The following PCDHA7 variants were observed in gnomAD, a reference collection of about 807,000 sequenced individuals.
PCDHA7 encodes protocadherin alpha 7.
PCDHA7 carries 37 observed loss-of-function variants against 57.2 expected under a neutral mutation model. The ratio of observed to expected loss-of-function variants is 0.65; its 90% CI spans 0.50 to 0.85. PCDHA7 has a LOEUF of 0.85. PCDHA7 is among the 40% of genes least tolerant of loss of function. The probability of loss-of-function intolerance (pLI) is 0.00; values close to 1 mark genes in which losing one functional copy is unlikely to be tolerated. For synonymous variants in PCDHA7, 553 were observed against 558.8 expected (o/e 0.99, Z 0.15); for missense variants, 1,188 against 1,241.8 (o/e 0.96, Z 0.65).
intron 1 of PCDHA7, chr5:140,853,993 T>A (rs2042933293): frequency 8.2e-6 from 4 of 486,194 alleles, no homozygotes; most frequent in Admixed American, 6.7e-5. Context: ...GTGAGACTCA[T>A]CTCTGCCAAA....
In PCDHA7 at chr5:140,856,566, C is replaced by T. The variant is rs2044089469; in HGVS notation, c.2355+19828C>T. On this transcript the variant is annotated intron_variant, in intron 1 of 3. Transcript: ENST00000525929. ...GCATTGCTTACTTACAAACTCAGTC[C>T]AAATGAGTATTTTGTTCTTGATATT... is the stretch of plus-strand genomic sequence containing the variant. 2.5e-6 allele frequency: 4 copies of T among 1,597,124 alleles called. 1 individual carries two copies. Among genetic ancestry groups the T allele is most frequent in the Non-Finnish European group, 3.4e-6 (4 of 1,166,856 alleles).
chr5:140,851,303 G>A (rs2042020475), intron 1 of PCDHA7: 2 of 1,012,372 alleles, frequency 2.0e-6, no homozygotes. Context: ...AAAATATATA[G>A]CAATTGTTAC....
chr5:140,928,889 A>T, intron 1 of PCDHA7: 2 of 1,614,118 alleles, frequency 1.2e-6, no homozygotes, highest in Non-Finnish European at 1.7e-6. Flanking sequence ...TTACTTCCAG[A>T]CTTTGAAGAT....
At chr5:140,997,206 T>A (rs2097763489) in intron 3 of PCDHA7, among the ~76,000 whole-genome samples, 1 of 152,118 alleles carries the variant, frequency 6.6e-6, no homozygotes, top group Non-Finnish European at 1.5e-5. Context: ...ATTGACATCA[T>A]TATTGAAACT....
intron 1 of PCDHA7, chr5:140,968,844 G>A: frequency 1.2e-6 from 2 of 1,614,210 alleles, no homozygotes; most frequent in African/African-American, 1.3e-5. Context: ...GACACTCAGA[G>A]GCATGTTAAG....
intron 1 of PCDHA7, among the ~76,000 whole-genome samples, chr5:140,873,504 T>TTTTTTTTTTTTTTTTTTTTTTTGAG: frequency 6.6e-6 from 1 of 152,256 alleles, no homozygotes; most frequent in South Asian, 2.1e-4. Context: ...TTGTGTCTTT[T>TTTTTTTTTTTTTTTTTTTTTTTGAG]ATACTTAATG....
chr5:140,854,220 C>A, intron 1 of PCDHA7: 2 of 616,474 alleles, frequency 3.2e-6, no homozygotes, highest in Non-Finnish European at 4.0e-6. Context: ...TATTGGACAT[C>A]TACATTGGGA....
intron 1 of PCDHA7, among the ~76,000 whole-genome samples, chr5:140,920,075 G>T (rs190821804): frequency 6.6e-6 from 1 of 152,316 alleles, no homozygotes; most frequent in Admixed American, 6.5e-5. Flanking sequence ...GGCAGAAACA[G>T]ATTCTCCGTA....
chr5:140,929,118 A>T, intron 1 of PCDHA7: 2 of 1,614,150 alleles, frequency 1.2e-6, no homozygotes, highest in Non-Finnish European at 1.7e-6. Context: ...CAGCCACCAT[A>T]GATGTCACTA....
intron 3 of PCDHA7, among the ~76,000 whole-genome samples, chr5:140,993,514 A>T (rs1239398977): frequency 6.6e-6 from 1 of 150,498 alleles, no homozygotes; most frequent in East Asian, 1.9e-4. Flanking sequence ...ACACACGGGG[A>T]GAGAGAGACA....
At chr5:140,999,795 T>C (rs1222111677) in intron 3 of PCDHA7, among the ~76,000 whole-genome samples, 3 of 152,224 alleles carry the variant, frequency 2.0e-5, no homozygotes, top group Non-Finnish European at 4.4e-5. Context: ...GGCAGAGTTA[T>C]TTTGGGCACA....
At chr5:140,836,949 T>C in intron 1 of PCDHA7, 1 of 431,294 alleles carries the variant, frequency 2.3e-6, no homozygotes, top group Non-Finnish European at 4.0e-6. Context: ...TCAAAATCTA[T>C]GGTTTATGTT....
chr5:140,879,539 A>G (rs1554170849), intron 1 of PCDHA7, among the ~76,000 whole-genome samples: 1 of 152,238 alleles, frequency 6.6e-6, no homozygotes, highest in Non-Finnish European at 1.5e-5. Flanking sequence ...CAACTCCTTT[A>G]GAGAAAAAAA....
chr5:140,933,539 G>A (rs1173969458), intron 1 of PCDHA7, among the ~76,000 whole-genome samples: 1 of 152,018 alleles, frequency 6.6e-6, no homozygotes, highest in Non-Finnish European at 1.5e-5. Flanking sequence ...TCAAAATAAT[G>A]TTAATATAAA....
intron 1 of PCDHA7, among the ~76,000 whole-genome samples, chr5:140,910,781 A>G (rs1402088509): frequency 3.9e-5 from 6 of 152,220 alleles, no homozygotes; most frequent in Non-Finnish European, 8.8e-5. Flanking sequence ...AAGCTGCAAC[A>G]TTAAATGCAG....
At chr5:140,993,569 A>G (rs1311165766) in intron 3 of PCDHA7, among the ~76,000 whole-genome samples, 1 of 151,734 alleles carries the variant, frequency 6.6e-6, no homozygotes, top group East Asian at 1.9e-4. Flanking sequence ...TATCCTTTCT[A>G]GGGATGCTTT....
chr5:140,842,553 G>A (rs144906391), intron 1 of PCDHA7: 24 of 1,453,612 alleles, frequency 1.7e-5, no homozygotes. Flanking sequence ...GTGCTGGACA[G>A]CGCCCTGGAC....
intron 1 of PCDHA7, among the ~76,000 whole-genome samples, chr5:140,887,248 C>T (rs1232310514): frequency 6.6e-6 from 1 of 152,046 alleles, no homozygotes; most frequent in Non-Finnish European, 1.5e-5. Flanking sequence ...CGGCGCCCGC[C>T]ACCACGCCCT....
chr5:140,873,888 T>C (rs1225763068), intron 1 of PCDHA7, among the ~76,000 whole-genome samples: 2 of 152,232 alleles, frequency 1.3e-5, no homozygotes, highest in African/African-American at 4.8e-5. Flanking sequence ...CTTGAACTCC[T>C]GACCTCAGGT....
Sources: allele counts gnomAD v4.1 joint callset (sites outside exome capture counted in the v4.1 genomes callset), GRCh38; gene constraint gnomAD v4.1.1; transcripts MANE v1.5; gene names NCBI Gene and HGNC (gene_info 2026-07-23, HGNC 2026-07-21).